Variants in NALF1 observed in about 807,000 individuals in gnomAD.
The protein encoded by NALF1 is family with sequence similarity 155 member A.
In NALF1, 3 loss-of-function variants were observed where a neutral mutation model predicts 48.4. That is an observed-to-expected ratio of 0.06 (90% CI 0.03 to 0.16). NALF1 has a LOEUF of 0.16. Ranked by LOEUF, NALF1 falls within the 10% of genes least tolerant of loss-of-function variation. The pLI, the probability that NALF1 is intolerant of heterozygous loss-of-function variation, is 1.00. For missense variants in NALF1, 526 were observed against 571.5 expected, an observed-to-expected ratio of 0.92 and a Z score of 0.81; for synonymous variants, 262 against 245.7, an observed-to-expected ratio of 1.07 and a Z score of -0.62.
intron 1 of NALF1, among the ~76,000 whole-genome samples, chr13:107,506,162 TTTG>T (rs1418189232): frequency 1.9e-4 from 29 of 152,128 alleles, no homozygotes; most frequent in African/African-American, 5.8e-4. Flanking sequence ...CAGGAATATT[TTTG>T]TTGTTGTCAT....
intron 1 of NALF1, among the ~76,000 whole-genome samples, chr13:107,762,441 T>C (rs1401248099): frequency 1.3e-5 from 2 of 150,460 alleles, no homozygotes; most frequent in Non-Finnish European, 3.0e-5. Flanking sequence ...AAAAATTAAA[T>C]TAAAAAAAAG....
chr13:107,655,457 G>A (rs1391276388), intron 1 of NALF1, among the ~76,000 whole-genome samples: 7 of 152,122 alleles, frequency 4.6e-5, no homozygotes, highest in South Asian at 2.1e-4. Context: ...AACCAAGGAC[G>A]TAAAAGACCT....
intron 1 of NALF1, among the ~76,000 whole-genome samples, chr13:107,445,214 G>A (rs1046777863): frequency 2.0e-5 from 3 of 152,168 alleles, no homozygotes; most frequent in East Asian, 3.9e-4. Flanking sequence ...TGACTCTGTA[G>A]TCCCTTAAAG....
intron 1 of NALF1, among the ~76,000 whole-genome samples, chr13:107,459,431 TA>T (rs1884880428): frequency 1.3e-5 from 2 of 151,852 alleles, no homozygotes; most frequent in African/African-American, 4.8e-5. Flanking sequence ...TAGTATACAA[TA>T]AAAAAGCCTT....
At chr13:107,587,660 A>C (rs959718867) in intron 1 of NALF1, among the ~76,000 whole-genome samples, 6 of 152,198 alleles carry the variant, frequency 3.9e-5, no homozygotes, top group African/African-American at 1.4e-4. Context: ...TTTTAAAAAA[A>C]GTCAATAACA....
At chr13:107,291,952 A>G (rs941563018) in intron 1 of NALF1, among the ~76,000 whole-genome samples, 3 of 152,250 alleles carry the variant, frequency 2.0e-5, no homozygotes, top group South Asian at 4.1e-4. Flanking sequence ...ACTGAAATGT[A>G]TAAGTGACAT....
intron 1 of NALF1, among the ~76,000 whole-genome samples, chr13:107,470,181 A>T (rs1876620840): frequency 6.6e-6 from 1 of 152,200 alleles, no homozygotes; most frequent in Admixed American, 6.5e-5. Context: ...GGAAAGGTCT[A>T]ATGGTCCCTA....
At chr13:107,251,219 C>T (rs576078410) in intron 1 of NALF1, among the ~76,000 whole-genome samples, 10 of 152,250 alleles carry the variant, frequency 6.6e-5, no homozygotes, top group African/African-American at 1.9e-4. Flanking sequence ...GCAAGATTTT[C>T]CTCCCCAAGT....
At position 107,433,748 on chromosome 13, in the gene NALF1, C is replaced by T. The variant is rs142343093; in HGVS notation, c.916-222993G>A. The stretch of plus-strand genomic sequence containing the variant: ...CACAGATTATATACTATCAGAAATT[C>T]TCAGAGAAATAATAGATTTCCCTAG... On this transcript the variant is annotated intron_variant, in intron 1 of 2. Transcript: ENST00000375915. Among the ~76,000 whole-genome samples, 1,326 of 151,998 alleles carry T rather than the reference C, an allele frequency of 8.7e-3. 22 individuals carry two copies. Among genetic ancestry groups the T allele is most frequent in the African/African-American group, 0.029 (1,206 of 41,484 alleles).
intron 1 of NALF1, among the ~76,000 whole-genome samples, chr13:107,511,401 T>C (rs1875886981): frequency 6.6e-6 from 1 of 151,914 alleles, no homozygotes; most frequent in Admixed American, 6.6e-5. Context: ...GTGGAAGGGG[T>C]TGGCAAGCAA....
intron 1 of NALF1, among the ~76,000 whole-genome samples, chr13:107,407,093 C>T (rs557544373): frequency 5.3e-4 from 80 of 152,016 alleles, no homozygotes; most frequent in African/African-American, 1.8e-3. Flanking sequence ...AGACCCCCAT[C>T]GCTCACCATA....
At chr13:107,369,872 T>A (rs1327623729) in intron 1 of NALF1, among the ~76,000 whole-genome samples, 6 of 152,194 alleles carry the variant, frequency 3.9e-5, no homozygotes, top group African/African-American at 1.2e-4. Context: ...CAATGTAAGA[T>A]GATAGTAATT....
At position 107,448,033 on chromosome 13, in the gene NALF1, C is replaced by G. The variant is rs948634881; in HGVS notation, c.916-237278G>C. On this transcript the variant is annotated intron_variant, in intron 1 of 2. Coordinates refer to ENST00000375915, the MANE Select transcript of NALF1 (RefSeq NM_001080396.3). Reference sequence around the variant, plus strand: ...CAACTTTGACCCCTCTGCCTTGTGCCTACATTCTGACAGTTTCTGTAGACT... The same window carrying G: ...CAACTTTGACCCCTCTGCCTTGTGCGTACATTCTGACAGTTTCTGTAGACT... Among the ~76,000 whole-genome samples, 4 of 152,194 alleles carry G rather than the reference C, an allele frequency of 2.6e-5. No individual in the cohort carries two copies. In the South Asian group the frequency reaches 8.3e-4, roughly 32 times the overall value.
intron 1 of NALF1, among the ~76,000 whole-genome samples, chr13:107,528,829 A>C (rs1320656564): frequency 6.6e-6 from 1 of 152,122 alleles, no homozygotes; most frequent in Non-Finnish European, 1.5e-5. Context: ...GACCCAGCAC[A>C]ATCAGTTAAA....
At chr13:107,458,748 A>C (rs1884868219) in intron 1 of NALF1, among the ~76,000 whole-genome samples, 1 of 152,242 alleles carries the variant, frequency 6.6e-6, no homozygotes. Flanking sequence ...GTATATGGAG[A>C]CAATAGCGAG....
At chr13:107,445,029 T>C (rs942972646) in intron 1 of NALF1, among the ~76,000 whole-genome samples, 4 of 152,344 alleles carry the variant, frequency 2.6e-5, no homozygotes, top group East Asian at 1.9e-4. Context: ...TGGTGATATA[T>C]TGCATAATTA....
intron 2 of NALF1, among the ~76,000 whole-genome samples, chr13:107,197,989 C>T (rs980589066): frequency 5.3e-5 from 8 of 152,026 alleles, no homozygotes; most frequent in African/African-American, 1.7e-4. Context: ...CCTTTCAGAA[C>T]CTTAAATATG....
intron 1 of NALF1, among the ~76,000 whole-genome samples, chr13:107,738,158 C>G (rs1307187715): frequency 6.6e-6 from 1 of 152,154 alleles, no homozygotes; most frequent in Non-Finnish European, 1.5e-5. Context: ...CTAAGAATAA[C>G]TGTGACATTT....
Position 107,165,248 on chromosome 13 carries a change from T to C in NALF1, c.*5249A>G, listed in dbSNP as rs552795196. The C allele has an allele frequency of 6.6e-6, 1 of 152,332 alleles. No individual in the cohort carries two copies. The highest frequency in any genetic ancestry group is 2.1e-4 in the South Asian group (1 of 4,832). 9.4% of individuals were successfully genotyped at this position (152,332 alleles called of 1,614,324 possible). A position where few individuals can be genotyped will look rare whatever the true frequency, so the allele number is the denominator to read the frequency against. ...AACATGACAAACGAACTCTGAGACA[T>C]TCGCTAGATCTTCCTGATCATTTTG... On this transcript the variant is annotated 3_prime_UTR_variant, in exon 3 of 3. Coordinates refer to ENST00000375915, the MANE Select transcript of NALF1 (RefSeq NM_001080396.3).
Sources: allele counts gnomAD v4.1 joint callset (sites outside exome capture counted in the v4.1 genomes callset), GRCh38; gene constraint gnomAD v4.1.1; transcripts MANE v1.5; gene names NCBI Gene and HGNC (gene_info 2026-07-23, HGNC 2026-07-21).